The following DLG1 variants were observed in gnomAD, a reference collection of about 807,000 sequenced individuals.
The protein encoded by DLG1 is discs large MAGUK scaffold protein 1.
DLG1 carries 42 observed loss-of-function variants against 123.4 expected under a neutral mutation model. The ratio of observed to expected loss-of-function variants is 0.34; its 90% confidence interval spans 0.27 to 0.44. DLG1 has a LOEUF of 0.44. Among genes scored for constraint, DLG1 ranks in the 20% least tolerant of loss-of-function variants. DLG1 has a pLI of 1.00. For synonymous variants in DLG1, 317 were observed against 356.2 expected (o/e 0.89, Z 1.24); for missense variants, 942 against 1,082.6 (o/e 0.87, Z 1.82).
At chr3:197,168,318 C>T (rs945041391) in intron 5 of DLG1, among the ~76,000 whole-genome samples, 4 of 152,238 alleles carry the variant, frequency 2.6e-5, no homozygotes, top group African/African-American at 9.6e-5. Context: ...AACGACGCAT[C>T]AACACACACA....
Position 197,142,656 on chromosome 3 carries a change from G to A in DLG1, c.588+62C>T, listed in dbSNP as rs373342561. The A allele has an allele frequency of 1.7e-3, 2,044 of 1,236,920 alleles. 18 individuals carry two copies. The highest frequency in any genetic ancestry group is 0.012 in the South Asian group (793 of 68,890). 76.6% of individuals were successfully genotyped at this position (1,236,920 alleles called of 1,614,324 possible). A position where few individuals can be genotyped will look rare whatever the true frequency, so the allele number is the denominator to read the frequency against. On this transcript the variant is annotated intron_variant, in intron 7 of 24. Transcript: ENST00000667157. ...TTTTGAGAGATCTCCCTTGGATTCT[G>A]TATGAAAAAGCAGTATATTACAAAG...
chr3:197,156,218 C>A (rs1796350468), intron 5 of DLG1, among the ~76,000 whole-genome samples: 1 of 152,038 alleles, frequency 6.6e-6, no homozygotes, highest in South Asian at 2.1e-4. Flanking sequence ...TATATTATTG[C>A]AGTTAAGCTT....
At chr3:197,126,125 A>T (rs556380109) in intron 11 of DLG1, among the ~76,000 whole-genome samples, 1 of 152,364 alleles carries the variant, frequency 6.6e-6, no homozygotes, top group South Asian at 2.1e-4. Context: ...TGAAACTGCA[A>T]GGTGAATGTC....
intron 10 of DLG1, among the ~76,000 whole-genome samples, chr3:197,131,584 CTTTTTTTTTTTTTTTTT>C (rs773487577): frequency 3.0e-5 from 2 of 65,768 alleles, no homozygotes; most frequent in East Asian, 9.7e-4. Context: ...TTCTTCCTTT[CTTTTTTTTTTTTTTTTT>C]TTTTTTTTTT....
intron 5 of DLG1, among the ~76,000 whole-genome samples, chr3:197,155,468 T>C (rs572451282): frequency 1.3e-5 from 2 of 152,222 alleles, no homozygotes; most frequent in Admixed American, 6.5e-5. Context: ...GAAAGAAAAC[T>C]AGACAGCAAC....
intron 5 of DLG1, among the ~76,000 whole-genome samples, chr3:197,189,958 C>T: frequency 6.6e-6 from 1 of 152,298 alleles, no homozygotes; most frequent in East Asian, 1.9e-4. Flanking sequence ...TAATAACATA[C>T]TCCTTTAAGC....
At chr3:197,119,566 C>T (rs6776073) in intron 11 of DLG1, 36 bp from the exon 12 acceptor site, 239,803 of 1,562,068 alleles carry the variant, frequency 0.15, 19,713 homozygotes, top group Non-Finnish European at 0.17. Context: ...ACTTCAAACA[C>T]GAAACAAGCC....
chr3:197,053,954 T>C (rs115947439), intron 23 of DLG1, among the ~76,000 whole-genome samples: 2,408 of 151,736 alleles, frequency 0.016, 38 homozygotes, highest in African/African-American at 0.034. Flanking sequence ...TAGCCAGGCG[T>C]GGCGGTGCAT....
intron 5 of DLG1, among the ~76,000 whole-genome samples, chr3:197,162,686 C>G (rs1413608840): frequency 1.3e-5 from 2 of 152,130 alleles, no homozygotes; most frequent in East Asian, 3.9e-4. Flanking sequence ...TCTATAGACC[C>G]CCATCTCACA....
chr3:197,249,921 A>G (rs184804353), intron 4 of DLG1, among the ~76,000 whole-genome samples: 33 of 152,350 alleles, frequency 2.2e-4, no homozygotes, highest in African/African-American at 7.0e-4. Context: ...CTCAAAATTA[A>G]AAGGGCCATA....
At chr3:197,049,830 AG>A (rs1462679057) in intron 24 of DLG1, among the ~76,000 whole-genome samples, 1 of 152,228 alleles carries the variant, frequency 6.6e-6, no homozygotes, top group Non-Finnish European at 1.5e-5. Context: ...TGGGAGGCCG[AG>A]GAAGAACGAT....
intron 4 of DLG1, among the ~76,000 whole-genome samples, chr3:197,237,705 G>A (rs972981485): frequency 7.2e-5 from 11 of 152,146 alleles, no homozygotes; most frequent in Non-Finnish European, 1.2e-4. Context: ...TCCACTGGCC[G>A]GGGGTAGAGG....
In DLG1 at chr3:197,211,442, C is replaced by T. The variant is rs1311060236; in HGVS notation, c.319-16853G>A. ...GTAGCACATTAAAAAGCTAAACCGC[C>T]ACAATCAAGTAGGCTTCATCCCGGG... is the stretch of plus-strand genomic sequence containing the variant. On this transcript the variant is annotated intron_variant, in intron 4 of 24. Transcript: ENST00000667157. 2.0e-5 allele frequency among the ~76,000 whole-genome samples: 3 copies of T among 146,442 alleles called. No individual in the cohort carries two copies. The Admixed American group carries it at 2.1e-4, about 10-fold the overall frequency.
intron 8 of DLG1, among the ~76,000 whole-genome samples, 167 bp downstream of exon 8, chr3:197,139,973 G>A (rs1329889845): frequency 2.6e-5 from 4 of 152,194 alleles, no homozygotes; most frequent in Admixed American, 2.6e-4. Flanking sequence ...GGAACACAAT[G>A]CTTAGAGCAT....
chr3:197,243,575 T>G (rs1007113323), intron 4 of DLG1, among the ~76,000 whole-genome samples: 2 of 152,058 alleles, frequency 1.3e-5, no homozygotes, highest in South Asian at 4.1e-4. Context: ...GGTACAACAC[T>G]GGGTTCCTAT....
chr3:197,079,151 T>C (rs1054639148), intron 17 of DLG1, among the ~76,000 whole-genome samples: 1 of 152,212 alleles, frequency 6.6e-6, no homozygotes, highest in Non-Finnish European at 1.5e-5. Flanking sequence ...CAATCAGAAG[T>C]ACTACATTTA....
At chr3:197,229,506 C>G (rs1741758152) in intron 4 of DLG1, among the ~76,000 whole-genome samples, 1 of 149,730 alleles carries the variant, frequency 6.7e-6, no homozygotes, top group Admixed American at 6.7e-5. Context: ...ATATGTTAAC[C>G]TGTAGCTTTT....
At chr3:197,261,391 G>T (rs1002179930) in intron 4 of DLG1, among the ~76,000 whole-genome samples, 1 of 152,216 alleles carries the variant, frequency 6.6e-6, no homozygotes, top group African/African-American at 2.4e-5. Context: ...GCAGTGAGCT[G>T]TAATTGCAGC....
intron 4 of DLG1, among the ~76,000 whole-genome samples, chr3:197,262,177 G>A (rs1033238070): frequency 6.6e-6 from 1 of 152,134 alleles, no homozygotes; most frequent in Non-Finnish European, 1.5e-5. Flanking sequence ...GAAAGACCAC[G>A]GGATTAGAGG....
Sources: allele counts gnomAD v4.1 joint callset (sites outside exome capture counted in the v4.1 genomes callset), GRCh38; gene constraint gnomAD v4.1.1; transcripts MANE v1.5; gene names NCBI Gene and HGNC (gene_info 2026-07-23, HGNC 2026-07-21).